Variants in CPQ observed in about 807,000 individuals in gnomAD.
CPQ encodes the protein carboxypeptidase Q.
In CPQ, 37 loss-of-function variants were observed where a neutral mutation model predicts 45.7. The observed-to-expected ratio is 0.81, with a 90% CI of 0.62 to 1.07. The LOEUF is 1.07. CPQ is among the 50% of genes least tolerant of loss of function. CPQ has a pLI of 0.00. For missense variants in CPQ, 537 were observed against 572.9 expected (o/e 0.94, Z 0.64); for synonymous variants, 186 against 205.8 (o/e 0.90, Z 0.82).
At chr8:96,854,488 G>A (rs1221222027) in intron 3 of CPQ, among the ~76,000 whole-genome samples, 3 of 114,904 alleles carry the variant, frequency 2.6e-5, no homozygotes, top group Non-Finnish European at 5.0e-5. Context: ...CCGAGATTGC[G>A]CCACTGCACT....
chr8:96,775,776 A>G (rs145950935), intron 1 of CPQ, among the ~76,000 whole-genome samples: 84 of 152,304 alleles, frequency 5.5e-4, no homozygotes, highest in Middle Eastern at 3.4e-3. Context: ...CTGTCTGTCT[A>G]GTGTCCCCGG....
chr8:96,647,434 C>T (rs1815530759), intron 1 of CPQ, among the ~76,000 whole-genome samples: 1 of 152,122 alleles, frequency 6.6e-6, no homozygotes, highest in South Asian at 2.1e-4. Context: ...ACTTATATTG[C>T]CCCATTTAAT....
intron 4 of CPQ, among the ~76,000 whole-genome samples, chr8:96,935,084 TA>T (rs1409198040): frequency 1.3e-5 from 2 of 152,180 alleles, no homozygotes; most frequent in African/African-American, 4.8e-5. Context: ...AGAGTTTTGG[TA>T]GGGCTGAATC....
intron 3 of CPQ, among the ~76,000 whole-genome samples, chr8:96,846,511 C>T (rs1811692407): frequency 1.3e-5 from 2 of 152,058 alleles, no homozygotes; most frequent in African/African-American, 2.4e-5. Context: ...CTAATTTATC[C>T]ACTTTTAGTT....
At chr8:96,691,020 G>A (rs1376856487) in intron 1 of CPQ, among the ~76,000 whole-genome samples, 1 of 145,292 alleles carries the variant, frequency 6.9e-6, no homozygotes, top group African/African-American at 2.9e-5. Context: ...AAGAATAAAT[G>A]TACAGAAATT....
chr8:96,654,954 T>C lies in CPQ; in HGVS notation c.-35+9552T>C, dbSNP rs570960802. ...TGTGGCTTTTTTTTTTTTTCCAGAA[T>C]ACAGCATGTTCAGCTGCATTAAAAC... On this transcript the variant is annotated intron_variant, in intron 1 of 7. Transcript: ENST00000220763. Among the ~76,000 whole-genome samples, 62 of 151,554 alleles carry C rather than the reference T, an allele frequency of 4.1e-4. 1 individual carries two copies. The highest frequency in any genetic ancestry group is 1.5e-3 in the African/African-American group (61 of 41,392).
chr8:96,706,311 A>G (rs1287350772), intron 1 of CPQ, among the ~76,000 whole-genome samples: 1 of 151,992 alleles, frequency 6.6e-6, no homozygotes, highest in Non-Finnish European at 1.5e-5. Context: ...GCCTGTGTCT[A>G]TTATACTGTG....
At chr8:97,122,985 AATAAAATAAAATAAAAT>A (rs1811753547) in intron 7 of CPQ, among the ~76,000 whole-genome samples, 1 of 72,172 alleles carries the variant, frequency 1.4e-5, no homozygotes, top group African/African-American at 7.3e-5. Context: ...ATAAAATTAA[AATAAAATAAAATAAAAT>A]ATAAAATAAA....
chr8:97,117,467 G>A (rs1811614406), intron 7 of CPQ, among the ~76,000 whole-genome samples: 1 of 152,066 alleles, frequency 6.6e-6, no homozygotes, highest in African/African-American at 2.4e-5. Flanking sequence ...CATCTACCAT[G>A]TTCCAATAGA....
chr8:96,970,113 C>A (rs1813639353), intron 5 of CPQ, among the ~76,000 whole-genome samples: 1 of 152,170 alleles, frequency 6.6e-6, no homozygotes, highest in African/African-American at 2.4e-5. Flanking sequence ...TTCCCTAAGG[C>A]TCTGGTCAAG....
chr8:96,811,651 A>G (rs1380170992), intron 2 of CPQ, among the ~76,000 whole-genome samples: 1 of 152,198 alleles, frequency 6.6e-6, no homozygotes, highest in Non-Finnish European at 1.5e-5. Flanking sequence ...TTTTTAATAA[A>G]TGAATTTTTA....
intron 4 of CPQ, among the ~76,000 whole-genome samples, chr8:96,906,748 C>G (rs1812583055): frequency 6.6e-6 from 1 of 152,078 alleles, no homozygotes; most frequent in African/African-American, 2.4e-5. Flanking sequence ...TATAAGGACA[C>G]TAATTCCATT....
chr8:96,694,468 GAC>G (rs1433045647), intron 1 of CPQ, among the ~76,000 whole-genome samples: 1 of 152,138 alleles, frequency 6.6e-6, no homozygotes, highest in Non-Finnish European at 1.5e-5. Context: ...GGCTGGATAA[GAC>G]ACATTCTTCT....
chr8:97,125,008 C>A (rs965701461), intron 7 of CPQ, among the ~76,000 whole-genome samples: 1 of 151,986 alleles, frequency 6.6e-6, no homozygotes, highest in Non-Finnish European at 1.5e-5. Flanking sequence ...GATAAACTAT[C>A]AAGCTGGTCA....
rs546734126 is a variant in CPQ, at chr8:96,667,071, A to T, written c.-35+21669A>T. Among the ~76,000 whole-genome samples the T allele has an allele frequency of 8.1e-5, 12 of 147,586 alleles. No individual in the cohort carries two copies. In the East Asian group the frequency reaches 1.4e-3, roughly 17 times the overall value. ...TTCTGAATATTGCCAGAGTTATCTC[A>T]CTGGGGAAACATCATCCCCACTTCT... is the stretch of plus-strand genomic sequence containing the variant. On this transcript the variant is annotated intron_variant, in intron 1 of 7. Coordinates refer to ENST00000220763, the MANE Select transcript of CPQ (RefSeq NM_016134.4).
intron 1 of CPQ, among the ~76,000 whole-genome samples, chr8:96,656,079 C>CT (rs1815634254): frequency 6.6e-6 from 1 of 152,178 alleles, no homozygotes; most frequent in Non-Finnish European, 1.5e-5. Flanking sequence ...GTCTTGAACT[C>CT]CTGGGCTCAA....
intron 7 of CPQ, among the ~76,000 whole-genome samples, chr8:97,072,738 G>A (rs1236729614): frequency 6.6e-6 from 1 of 152,104 alleles, no homozygotes; most frequent in Non-Finnish European, 1.5e-5. Context: ...TCATGATGCA[G>A]CTCCTTGTTC....
At chr8:96,698,559 A>G (rs551915752) in intron 1 of CPQ, among the ~76,000 whole-genome samples, 2 of 152,276 alleles carry the variant, frequency 1.3e-5, no homozygotes, top group South Asian at 4.1e-4. Context: ...TGAAGAGACA[A>G]TCCACAGAAT....
chr8:97,062,540 G>A lies in CPQ; in HGVS notation c.1054-3469G>A, dbSNP rs1001802862. The stretch of plus-strand genomic sequence containing the variant: ...TGTTACATAGGGAAACTTGCCTCCT[G>A]AGAGTTTGTTGTACAGATTATTTTC... On this transcript the variant is annotated intron_variant, in intron 6 of 7. Transcript: ENST00000220763. Among the ~76,000 whole-genome samples, 4 of 152,242 alleles carry A rather than the reference G, an allele frequency of 2.6e-5. No individual in the cohort carries two copies. The South Asian group carries it at 6.2e-4, about 24-fold the overall frequency.
Sources: allele counts gnomAD v4.1 joint callset (sites outside exome capture counted in the v4.1 genomes callset), GRCh38; gene constraint gnomAD v4.1.1; transcripts MANE v1.5; gene names NCBI Gene and HGNC (gene_info 2026-07-23, HGNC 2026-07-21).